SVEP1: variants seen among roughly 807,000 people sequenced by gnomAD.
SVEP1 encodes sushi, von Willebrand factor type A, EGF and pentraxin domain-containing protein 1.
Under a neutral mutation model 367.3 loss-of-function variants are expected in SVEP1, and 164 were observed. That is an observed-to-expected ratio of 0.45 (90% CI 0.39 to 0.51). The LOEUF is 0.51. Ranked by LOEUF, SVEP1 falls within the 20% of genes least tolerant of loss-of-function variation. The pLI, the probability that SVEP1 is intolerant of heterozygous loss-of-function variation, is 0.00. For synonymous variants in SVEP1, 1,666 were observed against 1,611.6 expected, an observed-to-expected ratio of 1.03 and a Z score of -0.81; for missense variants, 4,117 against 4,425.3, an observed-to-expected ratio of 0.93 and a Z score of 1.98.
At position 110,408,935 on chromosome 9, in the gene SVEP1, A is replaced by G. The variant is rs1331226226; in HGVS notation, c.6665T>C (p.Ile2222Thr). The change falls in exon 38 of 48, where the codon ATC (isoleucine) becomes ACC (threonine). Residue 2222 changes from isoleucine (I) to threonine (T), a missense_variant. Ile to Thr is a moderately conservative substitution (Grantham distance 89). Coordinates refer to ENST00000374469, the MANE Select transcript of SVEP1 (RefSeq NM_153366.4). ...NGFLEHTTGR[I>T]FESEVRYQCN... The stretch of plus-strand genomic sequence containing the variant: ...CTGATACCTCACTTCACTCTCAAAG[A>G]TCCTGCCAGTTGTATGCTGTGCAAC... 1 of 1,587,994 alleles carries G rather than the reference A, an allele frequency of 6.3e-7. No individual in the cohort carries two copies. Among genetic ancestry groups the G allele is most frequent in the Non-Finnish European group, 8.6e-7 (1 of 1,167,198 alleles).
At chr9:110,401,160 G>T (rs1162250654) in intron 39 of SVEP1, among the ~76,000 whole-genome samples, 151 bp from the exon 40 acceptor site, 7 of 152,154 alleles carry the variant, frequency 4.6e-5, no homozygotes. Flanking sequence ...CTTATTATAT[G>T]TGGGCTTAAA....
At chr9:110,415,441 A>G (rs1315675858) in intron 36 of SVEP1, among the ~76,000 whole-genome samples, 1 of 152,010 alleles carries the variant, frequency 6.6e-6, no homozygotes, top group Non-Finnish European at 1.5e-5. Flanking sequence ...CCAAGGGAGG[A>G]GACAGTTAAG....
intron 8 of SVEP1, among the ~76,000 whole-genome samples, chr9:110,495,529 T>G (rs1829432443): frequency 6.6e-6 from 1 of 152,126 alleles, no homozygotes; most frequent in Non-Finnish European, 1.5e-5. Context: ...CCTTTTCAAA[T>G]CAGATTTAAA....
chr9:110,495,320 C>T (rs373077568), intron 8 of SVEP1, among the ~76,000 whole-genome samples: 7 of 152,024 alleles, frequency 4.6e-5, no homozygotes, highest in African/African-American at 9.7e-5. Flanking sequence ...TTAGCAGACA[C>T]GACTAAATTA....
intron 5 of SVEP1, among the ~76,000 whole-genome samples, chr9:110,509,036 T>C (rs1180422685): frequency 6.6e-6 from 1 of 152,168 alleles, no homozygotes; most frequent in African/African-American, 2.4e-5. Context: ...ATTAAATCTG[T>C]AAAAATATAC....
chr9:110,374,164 C>G, intron 46 of SVEP1, among the ~76,000 whole-genome samples: 1 of 152,142 alleles, frequency 6.6e-6, no homozygotes, highest in Non-Finnish European at 1.5e-5. Context: ...ACCCTCTACC[C>G]TCAAGTAGGC....
intron 5 of SVEP1, among the ~76,000 whole-genome samples, chr9:110,510,984 T>C (rs1173851586): frequency 6.6e-6 from 1 of 152,168 alleles, no homozygotes; most frequent in Admixed American, 6.5e-5. Flanking sequence ...GGGTCTATTC[T>C]TTTCCCTCAG....
At chr9:110,516,251 C>G (rs147729816) in intron 3 of SVEP1, among the ~76,000 whole-genome samples, 98 of 150,610 alleles carry the variant, frequency 6.5e-4, no homozygotes, top group African/African-American at 2.1e-3. Flanking sequence ...TAAAACATTA[C>G]AATATACTAA....
intron 1 of SVEP1, among the ~76,000 whole-genome samples, chr9:110,573,761 A>G (rs188556513): frequency 1.0e-3 from 159 of 152,344 alleles, no homozygotes; most frequent in African/African-American, 3.7e-3. Flanking sequence ...TGGCAGGAAG[A>G]AAAACCAAGA....
intron 46 of SVEP1, among the ~76,000 whole-genome samples, chr9:110,374,322 G>A (rs540567211): frequency 9.2e-5 from 14 of 152,178 alleles, no homozygotes; most frequent in East Asian, 1.9e-4. Flanking sequence ...ACATGATCTC[G>A]TTCTTTTTTA....
chr9:110,460,871 G>C (rs1206768413), intron 18 of SVEP1, among the ~76,000 whole-genome samples: 1 of 151,994 alleles, frequency 6.6e-6, no homozygotes, highest in East Asian at 1.9e-4. Context: ...GCTGTTATTT[G>C]ATGACAAAGC....
In SVEP1 at chr9:110,450,227, T is replaced by C. The variant is rs760317465; in HGVS notation, c.3935A>G (p.Gln1312Arg). 6.2e-7 allele frequency: 1 copy of C among 1,613,852 alleles called. No individual in the cohort carries two copies. The highest frequency in any genetic ancestry group is 8.5e-7 in the Non-Finnish European group (1 of 1,179,812). The change falls in exon 24 of 48, where the codon CAG becomes CGG. Residue 1312 changes from glutamine to arginine, a missense_variant. Gln to Arg is a conservative substitution (Grantham distance 43). Transcript: ENST00000374469. The part of the protein sequence containing the change: ...LHCETEVNEC[Q>R]SNPCLNNAVC... ...TGCATTATTTAAGCATGGGTTTGAC[T>C]GGCATTCATTGACTTCTGTTTCACA...
chr9:110,498,214 T>G (rs1355805652), intron 7 of SVEP1, among the ~76,000 whole-genome samples: 1 of 152,188 alleles, frequency 6.6e-6, no homozygotes. Context: ...AACTCAGAAA[T>G]TTCACTAGGA....
At chr9:110,444,215 T>G (rs1327971670) in intron 26 of SVEP1, among the ~76,000 whole-genome samples, 1 of 152,156 alleles carries the variant, frequency 6.6e-6, no homozygotes. Context: ...GCTCTCAGAA[T>G]TTATATATTG....
At chr9:110,466,760 C>CAAAAAACAAAA (rs1828944170) in intron 17 of SVEP1, among the ~76,000 whole-genome samples, 1 of 46,424 alleles carries the variant, frequency 2.2e-5, no homozygotes, top group Non-Finnish European at 3.7e-5. Flanking sequence ...GACTCCATCT[C>CAAAAAACAAAA]AAAAAAAAAA....
rs533514473 is a variant in SVEP1 at position 110,579,248 on chromosome 9, A to T, written c.296T>A (p.Phe99Tyr). The T allele has an allele frequency of 1.3e-6, 2 of 1,570,894 alleles. No individual in the cohort carries two copies. The highest frequency in any genetic ancestry group is 2.4e-5 in the East Asian group (1 of 42,282). The change falls in exon 1 of 48, where the codon TTC (phenylalanine) becomes TAC (tyrosine). Residue 99 changes from phenylalanine to tyrosine, a missense_variant. Coordinates refer to ENST00000374469, the MANE Select transcript of SVEP1 (RefSeq NM_153366.4). The surrounding 1 kb of genome is among the most constrained non-coding windows in gnomAD (Gnocchi z 5.3). ...GCGGACGAACATGAGCTCGCTGCGG[A>T]AGTTGACTTCGCCCACGCTGGACGA... is the stretch of plus-strand genomic sequence containing the variant. Reference protein sequence around the residue: ...DDSSSVGEVNFRSELMFVRKL... With the variant: ...DDSSSVGEVNYRSELMFVRKL...
chr9:110,387,135 A>C, intron 42 of SVEP1, 150 bp downstream of exon 42: 1 of 706,820 alleles, frequency 1.4e-6, no homozygotes, highest in Non-Finnish European at 2.1e-6. Flanking sequence ...TATTTTTAAA[A>C]TATCCCAGAG....
rs531300177 is a variant in SVEP1 at position 110,449,068 on chromosome 9, T to A, written c.4103+991A>T. On this transcript the variant is annotated intron_variant, in intron 24 of 47. Transcript: ENST00000374469. ...GAGGACAATACAGTTTTCTAAAATTTTGCAAGCAAGAGAAATCTATCTTGT... is the reference window on the plus strand; with the variant it reads ...GAGGACAATACAGTTTTCTAAAATTATGCAAGCAAGAGAAATCTATCTTGT... 3.9e-5 allele frequency among the ~76,000 whole-genome samples: 6 copies of A among 152,328 alleles called. 1 individual carries two copies. The South Asian group carries it at 1.2e-3, about 32-fold the overall frequency.
intron 18 of SVEP1, among the ~76,000 whole-genome samples, chr9:110,459,374 ATAAG>A (rs946604879): frequency 6.6e-6 from 1 of 152,186 alleles, no homozygotes. Flanking sequence ...ACATGGTATC[ATAAG>A]TGTTTCCCAA....
Sources: allele counts gnomAD v4.1 joint callset (sites outside exome capture counted in the v4.1 genomes callset), GRCh38; gene constraint gnomAD v4.1.1; non-coding constraint Gnocchi (gnomAD v3.1); transcripts MANE v1.5; gene names NCBI Gene and HGNC (gene_info 2026-07-23, HGNC 2026-07-21).